The following HMGCLL1 variants were observed in gnomAD, a reference collection of about 807,000 sequenced individuals.
HMGCLL1 encodes the protein 3-hydroxy-3-methylglutaryl-CoA lyase like 1.
Under a neutral mutation model 39.1 loss-of-function variants are expected in HMGCLL1, and 36 were observed. The observed-to-expected ratio is 0.92, with a 90% CI of 0.71 to 1.22. The LOEUF (loss-of-function observed/expected upper bound fraction) is 1.22. Ranked by LOEUF, HMGCLL1 falls within the 50% of genes most tolerant of loss-of-function variation. The probability of loss-of-function intolerance (pLI) is 0.00; values close to 1 mark genes in which losing one functional copy is unlikely to be tolerated. For missense variants in HMGCLL1, 451 were observed against 416.5 expected (o/e 1.08, Z -0.72); for synonymous variants, 149 against 144.0 (o/e 1.03, Z -0.25).
At chr6:55,437,643 G>A (rs1581778864) in intron 8 of HMGCLL1, among the ~76,000 whole-genome samples, 1 of 152,160 alleles carries the variant, frequency 6.6e-6, no homozygotes, top group Non-Finnish European at 1.5e-5. Context: ...CAGATTATGT[G>A]ATAGAGCACA....
chr6:55,588,616 A>G, the HMGCLL1 span, among the ~76,000 whole-genome samples: 1 of 152,154 alleles, frequency 6.6e-6, no homozygotes, highest in Non-Finnish European at 1.5e-5. Context: ...TGAATCCAGG[A>G]GCTGGTTTTT....
chr6:55,668,035 G>A, the HMGCLL1 span, among the ~76,000 whole-genome samples: 1 of 151,766 alleles, frequency 6.6e-6, no homozygotes, highest in African/African-American at 2.4e-5. Context: ...CACTTCTATG[G>A]CACACTGTCA....
intron 7 of HMGCLL1, 69 bp downstream of exon 7, chr6:55,495,350 G>T: frequency 3.4e-6 from 4 of 1,169,512 alleles, no homozygotes; most frequent in Non-Finnish European, 4.9e-6. Flanking sequence ...ACAGCTTTCA[G>T]TATGTTTATA....
the HMGCLL1 span, among the ~76,000 whole-genome samples, chr6:55,590,658 TG>T: frequency 6.6e-6 from 1 of 152,044 alleles, no homozygotes; most frequent in Non-Finnish European, 1.5e-5. Flanking sequence ...TCTGATTTCA[TG>T]AGATTTTTAT....
At position 55,465,290 on chromosome 6, in the gene HMGCLL1, G is replaced by T. The variant is rs74404388; in HGVS notation, c.796-25731C>A. Among the ~76,000 whole-genome samples the T allele has an allele frequency of 6.5e-3, 984 of 151,778 alleles. 5 individuals carry two copies. Among genetic ancestry groups the T allele is most frequent in the Middle Eastern group, 0.021 (6 of 288 alleles). On this transcript the variant is annotated intron_variant, in intron 7 of 8. Transcript: ENST00000274901. The stretch of plus-strand genomic sequence containing the variant: ...TTACTATAAATATACACATTAATAC[G>T]TATGTCCATTAATTATATATATAGC...
chr6:55,597,221 A>C, the HMGCLL1 span, among the ~76,000 whole-genome samples: 16 of 152,150 alleles, frequency 1.1e-4, no homozygotes, highest in African/African-American at 3.9e-4. Context: ...TCATGTCAAT[A>C]AACTTAATAA....
chr6:55,468,498 T>C (rs1366670855), intron 7 of HMGCLL1, among the ~76,000 whole-genome samples: 2 of 151,852 alleles, frequency 1.3e-5, no homozygotes, highest in South Asian at 2.1e-4. Context: ...AGTGGAAAGG[T>C]AGAATGATGG....
chr6:55,461,960 A>G (rs558593316), intron 7 of HMGCLL1, among the ~76,000 whole-genome samples: 6 of 152,266 alleles, frequency 3.9e-5, no homozygotes, highest in African/African-American at 9.6e-5. Context: ...GTTAACTAAT[A>G]TGGCAGTAGG....
chr6:55,521,619 G>C (rs1370688315), intron 3 of HMGCLL1, among the ~76,000 whole-genome samples: 1 of 151,824 alleles, frequency 6.6e-6, no homozygotes, highest in Non-Finnish European at 1.5e-5. Context: ...TTATTTTGTG[G>C]CACCATGAAC....
Position 55,541,846 on chromosome 6 carries a change from C to CA in HMGCLL1, c.190-11dup, listed in dbSNP as rs1282150397. ...CTGTAGGAACTATAACCTATGAAAACAAAAAATATTTTATAAGTAAATTGT... is the reference window on the plus strand; with the variant it reads ...CTGTAGGAACTATAACCTATGAAAACAAAAAAATATTTTATAAGTAAATTGT... On this transcript the variant is annotated splice_polypyrimidine_tract_variant and intron_variant, in intron 2 of 8. Coordinates refer to ENST00000274901, the MANE Select transcript of HMGCLL1 (RefSeq NM_001042406.2). The CA allele has an allele frequency of 2.4e-5, 35 of 1,456,286 alleles. No individual in the cohort carries two copies. The highest frequency in any genetic ancestry group is 3.1e-5 in the Non-Finnish European group (33 of 1,054,328). 90.2% of individuals were successfully genotyped at this position (1,456,286 alleles called of 1,614,324 possible). A position where few individuals can be genotyped will look rare whatever the true frequency, so the allele number is the denominator to read the frequency against.
chr6:55,650,132 TATACACACACAC>T, the HMGCLL1 span, among the ~76,000 whole-genome samples: 5 of 50,804 alleles, frequency 9.8e-5, no homozygotes, highest in Admixed American at 2.5e-4. Flanking sequence ...TATATATATA[TATACACACACAC>T]ACACATATGT....
At chr6:55,646,308 GT>G in the HMGCLL1 span, among the ~76,000 whole-genome samples, 1 of 151,438 alleles carries the variant, frequency 6.6e-6, no homozygotes, top group Non-Finnish European at 1.5e-5. Context: ...TCTGGCTAAA[GT>G]TTTGTCAATT....
the HMGCLL1 span, among the ~76,000 whole-genome samples, chr6:55,625,433 C>T: frequency 6.6e-6 from 1 of 152,062 alleles, no homozygotes; most frequent in Non-Finnish European, 1.5e-5. Flanking sequence ...CTTCTCTACC[C>T]CAGCCTGCAC....
the HMGCLL1 span, among the ~76,000 whole-genome samples, chr6:55,624,107 C>G: frequency 6.6e-6 from 1 of 152,128 alleles, no homozygotes; most frequent in African/African-American, 2.4e-5. Context: ...TTACCCATGC[C>G]TCTACCTAGA....
intron 1 of HMGCLL1, among the ~76,000 whole-genome samples, chr6:55,576,616 C>T (rs748639855): frequency 6.6e-6 from 1 of 152,096 alleles, no homozygotes; most frequent in African/African-American, 2.4e-5. Flanking sequence ...ACTGCAACAG[C>T]CCAGTCATCC....
chr6:55,645,239 T>A, the HMGCLL1 span, among the ~76,000 whole-genome samples: 1 of 152,014 alleles, frequency 6.6e-6, no homozygotes, highest in Non-Finnish European at 1.5e-5. Context: ...GATTTTTTTA[T>A]GTTGACTTGT....
chr6:55,611,829 C>T, the HMGCLL1 span, among the ~76,000 whole-genome samples: 1 of 152,126 alleles, frequency 6.6e-6, no homozygotes, highest in Admixed American at 6.6e-5. Flanking sequence ...CTATTTAAGA[C>T]AAACCCACAA....
intron 7 of HMGCLL1, among the ~76,000 whole-genome samples, chr6:55,466,858 A>C (rs2127400151): frequency 6.6e-6 from 1 of 150,984 alleles, no homozygotes; most frequent in South Asian, 2.1e-4. Context: ...CCTGCTTAAA[A>C]CTCTTGTGGT....
At chr6:55,608,189 A>AT in the HMGCLL1 span, among the ~76,000 whole-genome samples, 1 of 152,104 alleles carries the variant, frequency 6.6e-6, no homozygotes, top group East Asian at 1.9e-4. Flanking sequence ...TACTGCTACT[A>AT]CTTTTTCTGA....
Sources: gnomAD v4.1 joint callset for allele counts (sites outside exome capture counted in the v4.1 genomes callset) on GRCh38, gnomAD v4.1.1 for gene constraint, MANE v1.5 for transcripts, NCBI Gene and HGNC (gene_info 2026-07-23, HGNC 2026-07-21) for gene names.